WDPCP: variants seen among roughly 807,000 people sequenced by gnomAD.
WDPCP encodes WD repeat containing planar cell polarity effector.
Under a neutral mutation model 93.1 loss-of-function variants are expected in WDPCP, and 71 were observed. The ratio of observed to expected loss-of-function variants is 0.76; its 90% CI spans 0.63 to 0.93. The LOEUF (loss-of-function observed/expected upper bound fraction) is 0.93. WDPCP is among the 40% of genes least tolerant of loss of function. The probability of loss-of-function intolerance (pLI) is 0.00; values close to 1 mark genes in which losing one functional copy is unlikely to be tolerated. For missense variants in WDPCP, 844 were observed against 887.4 expected, an observed-to-expected ratio of 0.95 and a Z score of 0.62; for synonymous variants, 315 against 315.0, an observed-to-expected ratio of 1.00 and a Z score of 0.00.
intron 3 of WDPCP, among the ~76,000 whole-genome samples, chr2:63,626,471 A>C (rs1709812433): frequency 6.6e-6 from 1 of 152,234 alleles, no homozygotes; most frequent in South Asian, 2.1e-4. Flanking sequence ...GAATCTACAA[A>C]GAACTTAAAC....
chr2:63,652,408 A>T (rs1710119445), intron 2 of WDPCP, among the ~76,000 whole-genome samples: 1 of 152,242 alleles, frequency 6.6e-6, no homozygotes, highest in Admixed American at 6.5e-5. Context: ...GCTGAAGCAG[A>T]TCTCAACGCA....
At chr2:63,683,469 A>T (rs1024801858) in intron 2 of WDPCP, among the ~76,000 whole-genome samples, 30 of 152,228 alleles carry the variant, frequency 2.0e-4, no homozygotes, top group Non-Finnish European at 3.4e-4. Context: ...TGTCATATTT[A>T]AAATATCATA....
intron 3 of WDPCP, among the ~76,000 whole-genome samples, chr2:63,622,023 C>A (rs1709743795): frequency 6.7e-6 from 1 of 150,236 alleles, no homozygotes; most frequent in African/African-American, 2.4e-5. Flanking sequence ...GCTATCCCTC[C>A]CCCCTCCCCA....
At position 63,607,149 on chromosome 2, in the gene WDPCP, T is replaced by C. The variant is rs185518449; in HGVS notation, n.488+43510A>G. 833 of 553,528 alleles carry C rather than the reference T, an allele frequency of 1.5e-3. 5 individuals carry two copies. The highest frequency in any genetic ancestry group is 5.6e-3 in the South Asian group (217 of 38,892). The allele number at this position is 553,528 out of a possible 1,614,324, so 34.3% of individuals were successfully genotyped here. On this transcript the variant is annotated intron_variant and non_coding_transcript_variant, in intron 3 of 4. Transcript: ENST00000467687. ...GTACAGGTTTGTGAATGACAGTTTA[T>C]CGTCATGCTGTTAGTGTGCATTCTA...
intron 17 of WDPCP, among the ~76,000 whole-genome samples, chr2:63,124,751 C>T (rs1354180873): frequency 6.6e-6 from 1 of 152,128 alleles, no homozygotes; most frequent in Non-Finnish European, 1.5e-5. Flanking sequence ...ACTCCCTAAT[C>T]TGAAATTGTT....
At chr2:63,595,507 C>A in intron 3 of WDPCP, 1 of 1,606,108 alleles carries the variant, frequency 6.2e-7, no homozygotes, top group Non-Finnish European at 8.5e-7. Flanking sequence ...CTGTGCCCTT[C>A]CCCTCCTGAA....
intron 2 of WDPCP, among the ~76,000 whole-genome samples, chr2:63,680,598 A>C (rs143616172): frequency 0.02 from 3,023 of 152,212 alleles, 52 homozygotes; most frequent in South Asian, 0.07. Context: ...CTGGGGTCCT[A>C]AATAAACATG....
intron 2 of WDPCP, among the ~76,000 whole-genome samples, chr2:63,674,149 T>C (rs1710377219): frequency 6.6e-6 from 1 of 152,242 alleles, no homozygotes; most frequent in Non-Finnish European, 1.5e-5. Flanking sequence ...AACAAATATT[T>C]TCTCCTCATG....
intron 1 of WDPCP, among the ~76,000 whole-genome samples, chr2:63,542,583 C>G (rs1183004624): frequency 6.6e-6 from 1 of 152,176 alleles, no homozygotes; most frequent in Non-Finnish European, 1.5e-5. Flanking sequence ...TACAATTCCA[C>G]AAATTATTTC....
chr2:63,437,782 C>G (rs1697235990), intron 7 of WDPCP: 2 of 1,425,154 alleles, frequency 1.4e-6, no homozygotes, highest in Non-Finnish European at 1.9e-6. Context: ...TCAATATACA[C>G]TGATATTTGG....
chr2:63,688,358 C>T (rs1382507214), intron 2 of WDPCP, among the ~76,000 whole-genome samples: 2 of 151,186 alleles, frequency 1.3e-5, no homozygotes, highest in African/African-American at 4.9e-5. Context: ...ACCTGGGAGG[C>T]GGAGCTCGCA....
intron 13 of WDPCP, among the ~76,000 whole-genome samples, chr2:63,308,749 C>T (rs1352867610): frequency 1.3e-5 from 2 of 151,772 alleles, no homozygotes; most frequent in African/African-American, 4.8e-5. Context: ...GTCAGGGGGT[C>T]GGGGGCTAGG....
At chr2:63,586,639 T>C (rs1708861232) in intron 1 of WDPCP, among the ~76,000 whole-genome samples, 1 of 152,244 alleles carries the variant, frequency 6.6e-6, no homozygotes, top group Non-Finnish European at 1.5e-5. Flanking sequence ...TCAGTGCTAA[T>C]ATGCTCCTTA....
chr2:63,636,969 T>A lies in WDPCP; in HGVS notation n.488+13690A>T, dbSNP rs533944239. On this transcript the variant is annotated intron_variant and non_coding_transcript_variant, in intron 3 of 4. Coordinates refer to the WDPCP transcript ENST00000467687. ...GTAAAACTCGAAATTGTAAAACTCCTAGAAGAAAAAGAGAAAAGCTCCTTG... is the reference window on the plus strand; with the variant it reads ...GTAAAACTCGAAATTGTAAAACTCCAAGAAGAAAAAGAGAAAAGCTCCTTG... Among the ~76,000 whole-genome samples, 3 of 152,318 alleles carry A rather than the reference T, an allele frequency of 2.0e-5. No homozygotes were observed. In the East Asian group the frequency reaches 5.8e-4, roughly 29 times the overall value.
At chr2:63,819,558 C>T (rs188953058) in intron 1 of WDPCP, among the ~76,000 whole-genome samples, 1 of 152,262 alleles carries the variant, frequency 6.6e-6, no homozygotes, top group East Asian at 1.9e-4. Flanking sequence ...GCTTGCTGGG[C>T]TCCACTTTCG....
At chr2:63,751,368 C>T (rs1483698627) in intron 2 of WDPCP, among the ~76,000 whole-genome samples, 2 of 151,756 alleles carry the variant, frequency 1.3e-5, no homozygotes, top group Non-Finnish European at 1.5e-5. Flanking sequence ...ATTTATTCAG[C>T]GTCATGATCA....
chr2:63,692,279 A>C (rs576447029), intron 2 of WDPCP, among the ~76,000 whole-genome samples: 16 of 152,270 alleles, frequency 1.1e-4, no homozygotes, highest in African/African-American at 3.4e-4. Context: ...TTACTACAGG[A>C]AATCTTTTTT....
At chr2:63,150,051 T>C (rs567752999) in intron 17 of WDPCP, among the ~76,000 whole-genome samples, 2 of 152,002 alleles carry the variant, frequency 1.3e-5, no homozygotes, top group East Asian at 1.9e-4. Context: ...GGGAAAACCA[T>C]AAAGACAAGC....
intron 9 of WDPCP, among the ~76,000 whole-genome samples, chr2:63,407,158 G>A (rs1694654724): frequency 6.6e-6 from 1 of 152,140 alleles, no homozygotes; most frequent in East Asian, 1.9e-4. Flanking sequence ...CAGAGAGATC[G>A]AGACAGACCT....
Sources: gnomAD v4.1 joint callset for allele counts (sites outside exome capture counted in the v4.1 genomes callset) on GRCh38, gnomAD v4.1.1 for gene constraint, MANE v1.5 for transcripts, NCBI Gene and HGNC (gene_info 2026-07-23, HGNC 2026-07-21) for gene names.